Variants in ATAD5 observed in about 807,000 individuals in gnomAD.
ATAD5 encodes the protein ATPase family AAA domain containing 5.
In ATAD5, 58 loss-of-function variants were observed where a neutral mutation model predicts 176.9. The ratio of observed to expected loss-of-function variants is 0.33; its 90% confidence interval spans 0.27 to 0.41. The LOEUF is 0.41. Among genes scored for constraint, ATAD5 ranks in the 10% least tolerant of loss-of-function variants. ATAD5 has a pLI of 1.00. For synonymous variants in ATAD5, 640 were observed against 712.6 expected, an observed-to-expected ratio of 0.90 and a Z score of 1.62; for missense variants, 1,789 against 2,094.1, an observed-to-expected ratio of 0.85 and a Z score of 2.84.
intron 19 of ATAD5, among the ~76,000 whole-genome samples, chr17:30,887,620 G>A (rs375857698): frequency 1.8e-3 from 280 of 152,058 alleles, no homozygotes; most frequent in African/African-American, 6.4e-3. Context: ...ACCAGCCTGC[G>A]CAAGAAAGCG....
intron 6 of ATAD5, among the ~76,000 whole-genome samples, chr17:30,848,557 T>C (rs1349193343): frequency 2.0e-5 from 3 of 152,012 alleles, no homozygotes; most frequent in Non-Finnish European, 2.9e-5. Flanking sequence ...CAAGGCAAGG[T>C]CAATTCTATC....
rs745941080 is a variant in ATAD5, at chr17:30,840,697, G to A, written c.2157G>A (p.Lys719=). Residue 719 remains lysine (K), a synonymous_variant, in exon 4 of 23, where the codon AAG becomes AAA. Transcript: ENST00000321990. ...AAGCTTTACACATCAGTAGGTCAAA[G>A]GTGACTGAAGAAATAGCGATACCCT... ...KAKALHISRS[K]VTEEIAIPLR... 6.2e-7 allele frequency: 1 copy of A among 1,609,020 alleles called. No homozygotes were observed. The highest frequency in any genetic ancestry group is 8.5e-7 in the Non-Finnish European group (1 of 1,177,990).
intron 13 of ATAD5, 31 bp from the exon 14 acceptor site, chr17:30,869,465 C>T (rs367923107): frequency 6.2e-7 from 1 of 1,609,460 alleles, no homozygotes; most frequent in South Asian, 1.1e-5. Flanking sequence ...AAACCATTCT[C>T]CCTTCGTTTT....
At chr17:30,890,927 C>T (rs1385373899) in intron 19 of ATAD5, among the ~76,000 whole-genome samples, 2 of 152,184 alleles carry the variant, frequency 1.3e-5, no homozygotes, top group Non-Finnish European at 2.9e-5. Context: ...ATTGTTAGCA[C>T]ATACGATCCT....
At chr17:30,892,522 G>A (rs1598003257) in intron 19 of ATAD5, 85 bp from the exon 20 acceptor site, 1 of 941,274 alleles carries the variant, frequency 1.1e-6, no homozygotes, top group Non-Finnish European at 1.5e-6. Context: ...TCCAGAAGAT[G>A]TCAAAGGATC....
intron 14 of ATAD5, among the ~76,000 whole-genome samples, chr17:30,874,354 A>C (rs1207084250): frequency 1.3e-5 from 2 of 151,200 alleles, no homozygotes; most frequent in Non-Finnish European, 2.9e-5. Flanking sequence ...CATCCTGGCC[A>C]ATATGTTGAA....
Position 30,895,219 on chromosome 17 carries a change from A to C in ATAD5, c.*306A>C, listed in dbSNP as rs754610497. 3.1e-5 allele frequency: 6 copies of C among 193,536 alleles called. No homozygotes were observed. Among genetic ancestry groups the C allele is most frequent in the Non-Finnish European group, 6.3e-5 (6 of 95,738 alleles). The allele number at this position is 193,536 out of a possible 1,614,324, so 12.0% of individuals were successfully genotyped here. ...GATGAACTCCCTATTTCAAGTGTTTATATTATATATTAGCTTAATATTCAG... is the reference window on the plus strand; with the variant it reads ...GATGAACTCCCTATTTCAAGTGTTTCTATTATATATTAGCTTAATATTCAG... On this transcript the variant is annotated 3_prime_UTR_variant, in exon 23 of 23. Coordinates refer to ENST00000321990, the MANE Select transcript of ATAD5 (RefSeq NM_024857.5).
At position 30,851,669 on chromosome 17, in the gene ATAD5, G is replaced by A. The variant is rs138627472; in HGVS notation, c.2451-3474G>A. On this transcript the variant is annotated intron_variant, in intron 6 of 22. Coordinates refer to ENST00000321990, the MANE Select transcript of ATAD5 (RefSeq NM_024857.5). ...ACTATCTTGGCTCACTGCATCCTCC[G>A]CCTCCCGGGTTCAAGTGATTATCGT... Among the ~76,000 whole-genome samples, 112 of 152,072 alleles carry A rather than the reference G, an allele frequency of 7.4e-4. 1 individual carries two copies. The East Asian group carries it at 0.019, about 26-fold the overall frequency.
At position 30,877,560 on chromosome 17, in the gene ATAD5, A is replaced by G. The variant is rs373418939; in HGVS notation, c.3918+11A>G. 10 of 1,599,336 alleles carry G rather than the reference A, an allele frequency of 6.3e-6. No homozygotes were observed. In the African/African-American group the frequency reaches 1.2e-4, roughly 19 times the overall value. ...ATTCTTTTTGAGGAGGTAGGCTTAT[A>G]GAAGTATACATTTGTGAGAGCTCAT... On this transcript the variant is annotated intron_variant, in intron 16 of 22. Coordinates refer to ENST00000321990, the MANE Select transcript of ATAD5 (RefSeq NM_024857.5).
chr17:30,890,410 CTT>C (rs1909569616), intron 19 of ATAD5, among the ~76,000 whole-genome samples: 2 of 139,422 alleles, frequency 1.4e-5, no homozygotes, highest in Non-Finnish European at 3.1e-5. Context: ...CATAATTTCT[CTT>C]CTTTTCTTTT....
In ATAD5 at chr17:30,844,877, A is replaced by T; in HGVS notation, c.2411A>T (p.Gln804Leu). The stretch of plus-strand genomic sequence containing the variant: ...CCTTTATTTCTTGTCAGAAAAGCAC[A>T]AAAAGCAGCTGATCCTGTCCCTAGT... ...VAPLFLVRKA[Q>L]KAADPVPSFD... The change falls in exon 6 of 23, where the codon CAA becomes CTA. Residue 804 changes from glutamine (Q) to leucine (L), a missense_variant. Physicochemically the swap from Gln to Leu is moderately radical, Grantham distance 113 (BLOSUM62 -2). Coordinates refer to ENST00000321990, the MANE Select transcript of ATAD5 (RefSeq NM_024857.5). The T allele has an allele frequency of 6.3e-7, 1 of 1,589,150 alleles. No homozygotes were observed. Among genetic ancestry groups the T allele is most frequent in the Non-Finnish European group, 8.5e-7 (1 of 1,173,870 alleles).
intron 14 of ATAD5, among the ~76,000 whole-genome samples, chr17:30,871,560 G>A (rs1908340299): frequency 6.6e-6 from 1 of 151,830 alleles, no homozygotes; most frequent in Admixed American, 6.6e-5. Flanking sequence ...ATATTGGCCA[G>A]GCTGGTCTCA....
At chr17:30,890,418 C>CTTTTTTTTTT (rs968126768) in intron 19 of ATAD5, among the ~76,000 whole-genome samples, 157 of 106,660 alleles carry the variant, frequency 1.5e-3, no homozygotes, top group Non-Finnish European at 1.8e-3. Context: ...CTCTTCTTTT[C>CTTTTTTTTTT]TTTTTTTTTT....
At chr17:30,852,130 CT>C (rs1907007824) in intron 6 of ATAD5, among the ~76,000 whole-genome samples, 1 of 152,126 alleles carries the variant, frequency 6.6e-6, no homozygotes, top group Non-Finnish European at 1.5e-5. Flanking sequence ...GCTATAAGAG[CT>C]TTTTTGTCTC....
chr17:30,856,884 C>T lies in ATAD5; in HGVS notation c.2636-71C>T, dbSNP rs1478681212. On this transcript the variant is annotated intron_variant, in intron 7 of 22. Coordinates refer to ENST00000321990, the MANE Select transcript of ATAD5 (RefSeq NM_024857.5). ...TGTAGTTGTCAACTTTTCATGTTTACGTATTTGACATTCAGTAAATGGATA... is the reference window on the plus strand; with the variant it reads ...TGTAGTTGTCAACTTTTCATGTTTATGTATTTGACATTCAGTAAATGGATA... 15 of 1,340,970 alleles carry T rather than the reference C, an allele frequency of 1.1e-5. No homozygotes were observed. In the Admixed American group the frequency reaches 2.6e-4, roughly 23 times the overall value. 83.1% of individuals were successfully genotyped at this position (1,340,970 alleles called of 1,614,324 possible).
At chr17:30,880,608 CAAA>C (rs199862765) in intron 18 of ATAD5, among the ~76,000 whole-genome samples, 4 of 79,234 alleles carry the variant, frequency 5.0e-5, no homozygotes, top group Non-Finnish European at 8.3e-5. Flanking sequence ...AACTACATCT[CAAA>C]AAAAAAAAAA....
chr17:30,877,260 C>T (rs1035163199), intron 15 of ATAD5, among the ~76,000 whole-genome samples, 156 bp from the exon 16 acceptor site: 7 of 151,660 alleles, frequency 4.6e-5, no homozygotes, highest in Non-Finnish European at 8.8e-5. Flanking sequence ...CCACTTGCCT[C>T]GGCCTCCCAA....
chr17:30,892,937 A>T, intron 20 of ATAD5, 149 bp downstream of exon 20: 1 of 696,912 alleles, frequency 1.4e-6, no homozygotes, highest in Non-Finnish European at 2.2e-6. Context: ...ACATCCTACC[A>T]CTTTGACAAA....
chr17:30,868,441 TACCA>T, intron 12 of ATAD5, 29 bp downstream of exon 12: 1 of 1,307,376 alleles, frequency 7.6e-7, no homozygotes, highest in Non-Finnish European at 1.0e-6. Flanking sequence ...TTTTTTTTTT[TACCA>T]TTTCACTGAA....
Sources: gnomAD v4.1 joint callset for allele counts (sites outside exome capture counted in the v4.1 genomes callset) on GRCh38, gnomAD v4.1.1 for gene constraint, MANE v1.5 for transcripts, NCBI Gene and HGNC (gene_info 2026-07-23, HGNC 2026-07-21) for gene names.